The following BBS9 variants were observed in gnomAD, a reference collection of about 807,000 sequenced individuals.
The protein encoded by BBS9 is protein PTHB1.
In BBS9, 89 loss-of-function variants were observed where a neutral mutation model predicts 117.7. The observed-to-expected ratio is 0.76, with a 90% CI of 0.64 to 0.90. The LOEUF (loss-of-function observed/expected upper bound fraction) is 0.90. BBS9 is among the 40% of genes least tolerant of loss of function. The probability of loss-of-function intolerance (pLI) is 0.00; values close to 1 mark genes in which losing one functional copy is unlikely to be tolerated. For missense variants in BBS9, 982 were observed against 1,042.2 expected, an observed-to-expected ratio of 0.94 and a Z score of 0.80; for synonymous variants, 379 against 370.9, an observed-to-expected ratio of 1.02 and a Z score of -0.25.
chr7:33,429,648 A>G (rs1303621663), intron 19 of BBS9, among the ~76,000 whole-genome samples: 1 of 152,118 alleles, frequency 6.6e-6, no homozygotes, highest in Admixed American at 6.5e-5. Flanking sequence ...CTTACTTTTC[A>G]GAATTGAAAA....
At chr7:33,379,194 G>A (rs1824478413) in intron 17 of BBS9, among the ~76,000 whole-genome samples, 1 of 152,178 alleles carries the variant, frequency 6.6e-6, no homozygotes, top group African/African-American at 2.4e-5. Flanking sequence ...GGCTTGCAAT[G>A]CTCTTTCCAT....
rs544546780 is a variant in BBS9, at chr7:33,339,842, T to G, written c.1199-1055T>G. Reference sequence around the variant, plus strand: ...TGGAAGGAAATCATGATGATTGGATTTGACCGTGGAGCCTGGAAGGGGTGA... The same window carrying G: ...TGGAAGGAAATCATGATGATTGGATGTGACCGTGGAGCCTGGAAGGGGTGA... On this transcript the variant is annotated intron_variant, in intron 10 of 22. Coordinates refer to ENST00000242067, the MANE Select transcript of BBS9 (RefSeq NM_198428.3). Among the ~76,000 whole-genome samples, 5 of 152,182 alleles carry G rather than the reference T, an allele frequency of 3.3e-5. No individual in the cohort carries two copies. The East Asian group carries it at 7.7e-4, about 23-fold the overall frequency.
At chr7:33,312,523 G>T (rs1809496578) in intron 9 of BBS9, among the ~76,000 whole-genome samples, 1 of 152,190 alleles carries the variant, frequency 6.6e-6, no homozygotes, top group Non-Finnish European at 1.5e-5. Flanking sequence ...CTCCACTGGA[G>T]TCTTTCCATA....
chr7:33,385,070 G>A (rs981768546), intron 18 of BBS9, among the ~76,000 whole-genome samples: 2 of 152,078 alleles, frequency 1.3e-5, no homozygotes, highest in African/African-American at 4.8e-5. Context: ...GGAAACTTAA[G>A]TGTAGTGATT....
intron 9 of BBS9, among the ~76,000 whole-genome samples, chr7:33,288,073 G>C (rs1236565655): frequency 3.9e-5 from 6 of 152,096 alleles, no homozygotes; most frequent in African/African-American, 1.4e-4. Context: ...TGCAGTAAGG[G>C]GAACAAAGCA....
intron 19 of BBS9, among the ~76,000 whole-genome samples, chr7:33,425,686 T>G (rs1035298769): frequency 6.6e-6 from 1 of 152,224 alleles, no homozygotes; most frequent in African/African-American, 2.4e-5. Context: ...GGCGCTGTTA[T>G]GAGAGGAGTT....
In BBS9 at chr7:33,153,622, A is replaced by T. The variant is rs539540410; in HGVS notation, c.263+771A>T. 2.1e-3 allele frequency among the ~76,000 whole-genome samples: 314 copies of T among 152,236 alleles called. 2 individuals carry two copies. The highest frequency in any genetic ancestry group is 3.5e-3 in the South Asian group (17 of 4,824). On this transcript the variant is annotated intron_variant, in intron 3 of 22. Coordinates refer to ENST00000242067, the MANE Select transcript of BBS9 (RefSeq NM_198428.3). ...TTGGCATTCTACATTTGTTTATCAT[A>T]ATTTATTGGCCCCAGGGGCCATTTA... is the stretch of plus-strand genomic sequence containing the variant.
At chr7:33,409,033 A>G (rs1830620327) in intron 19 of BBS9, among the ~76,000 whole-genome samples, 1 of 152,106 alleles carries the variant, frequency 6.6e-6, no homozygotes, top group East Asian at 1.9e-4. Context: ...GTTCATGTCC[A>G]TTGCCCATTT....
At chr7:33,496,312 T>A (rs1844703317) in intron 19 of BBS9, among the ~76,000 whole-genome samples, 1 of 152,086 alleles carries the variant, frequency 6.6e-6, no homozygotes, top group Non-Finnish European at 1.5e-5. Context: ...GAAACCAGCC[T>A]GATCAACATG....
At chr7:33,491,856 T>C (rs1843953214) in intron 19 of BBS9, among the ~76,000 whole-genome samples, 1 of 152,156 alleles carries the variant, frequency 6.6e-6, no homozygotes, top group Non-Finnish European at 1.5e-5. Flanking sequence ...GGGAGTGTTA[T>C]TATTGTCTTC....
rs117728943 is a variant in BBS9, at chr7:33,185,797, C to T, written c.442+8206C>T. Among the ~76,000 whole-genome samples the T allele has an allele frequency of 5.1e-3, 783 of 152,244 alleles. 5 individuals are homozygous for T. Among genetic ancestry groups the T allele is most frequent in the Non-Finnish European group, 8.2e-3 (555 of 68,022 alleles). On this transcript the variant is annotated intron_variant, in intron 5 of 22. Transcript: ENST00000242067. ...AAAGGAATTAAACAAAACTAAAGCC[C>T]AACACAGTTTTAAGCAAATGTGTTA...
chr7:33,617,506 G>A (rs1367378035), intron 21 of BBS9, among the ~76,000 whole-genome samples: 1 of 152,080 alleles, frequency 6.6e-6, no homozygotes, highest in African/African-American at 2.4e-5. Context: ...AGGGAAACTT[G>A]ACACTGTCAT....
chr7:33,262,333 A>G (rs1345116025), intron 6 of BBS9, among the ~76,000 whole-genome samples: 2 of 152,188 alleles, frequency 1.3e-5, no homozygotes, highest in Non-Finnish European at 2.9e-5. Context: ...GGACCTTTGT[A>G]ACAATCTCAT....
At chr7:33,485,395 C>T (rs1280710488) in intron 19 of BBS9, among the ~76,000 whole-genome samples, 7 of 151,202 alleles carry the variant, frequency 4.6e-5, no homozygotes, top group Non-Finnish European at 7.4e-5. Flanking sequence ...TTGCAAGCTC[C>T]GCCTCCCGGG....
In BBS9 at chr7:33,389,614, G is replaced by A. The variant is rs549275132; in HGVS notation, c.2115+1470G>A. ...TGAGGCAGGGGAATCGGTTGAACCC[G>A]GGAGGTGGAGGTTGCAGTGAGCCGA... is the stretch of plus-strand genomic sequence containing the variant. On this transcript the variant is annotated intron_variant, in intron 19 of 22. Coordinates refer to ENST00000242067, the MANE Select transcript of BBS9 (RefSeq NM_198428.3). 1.4e-4 allele frequency among the ~76,000 whole-genome samples: 21 copies of A among 150,488 alleles called. No individual in the cohort carries two copies. In the South Asian group the frequency reaches 3.8e-3, roughly 27 times the overall value.
intron 4 of BBS9, among the ~76,000 whole-genome samples, chr7:33,174,535 G>C (rs1011536520): frequency 3.9e-5 from 6 of 152,110 alleles, no homozygotes; most frequent in African/African-American, 1.4e-4. Context: ...AGAAACAGCT[G>C]GATTGTTTAC....
intron 19 of BBS9, among the ~76,000 whole-genome samples, chr7:33,416,008 A>T (rs1831951763): frequency 6.6e-6 from 1 of 151,832 alleles, no homozygotes; most frequent in South Asian, 2.1e-4. Flanking sequence ...TAACTTTTGT[A>T]GTTTTTGTAG....
rs75890835 is a variant in BBS9, at chr7:33,201,828, A to G, written c.442+24237A>G. 1.5e-3 allele frequency among the ~76,000 whole-genome samples: 234 copies of G among 152,210 alleles called. 2 individuals are homozygous for G. In the East Asian group the frequency reaches 0.041, roughly 27 times the overall value. Reference sequence around the variant, plus strand: ...TGTTTCTAGAAAATATTAGAGAAAAACTTGTCCCAGAGTCACTAGTCAGGT... The same window carrying G: ...TGTTTCTAGAAAATATTAGAGAAAAGCTTGTCCCAGAGTCACTAGTCAGGT... On this transcript the variant is annotated intron_variant, in intron 5 of 22. Coordinates refer to ENST00000242067, the MANE Select transcript of BBS9 (RefSeq NM_198428.3).
chr7:33,439,779 G>A (rs1419211140), intron 19 of BBS9, among the ~76,000 whole-genome samples: 2 of 152,090 alleles, frequency 1.3e-5, no homozygotes, highest in East Asian at 1.9e-4. Flanking sequence ...CACCTGCTTC[G>A]GCCTCCCAAA....
Sources: allele counts gnomAD v4.1 joint callset (sites outside exome capture counted in the v4.1 genomes callset), GRCh38; gene constraint gnomAD v4.1.1; transcripts MANE v1.5; gene names NCBI Gene and HGNC (gene_info 2026-07-23, HGNC 2026-07-21).